The following FABP7 variants were observed in gnomAD, a reference collection of about 807,000 sequenced individuals.
FABP7 encodes fatty acid binding protein 7, also known as fatty acid-binding protein, brain.
Under a neutral mutation model 14.2 loss-of-function variants are expected in FABP7, and 13 were observed. The observed-to-expected ratio is 0.91, with a 90% CI of 0.59 to 1.45. The LOEUF (loss-of-function observed/expected upper bound fraction) is 1.45. Among genes scored for constraint, FABP7 ranks in the 40% most tolerant of loss-of-function variants. FABP7 has a pLI of 0.00. For missense variants in FABP7, 149 were observed against 157.6 expected, an observed-to-expected ratio of 0.95 and a Z score of 0.29; for synonymous variants, 49 against 51.4, an observed-to-expected ratio of 0.95 and a Z score of 0.20.
chr6:122,765,349 G>A, the FABP7 span, among the ~76,000 whole-genome samples: 401 of 152,090 alleles, frequency 2.6e-3, no homozygotes, highest in Non-Finnish European at 4.9e-3. Context: ...AGCTGGCATG[G>A]CATTTTGACC....
At chr6:122,760,301 C>T in the FABP7 span, among the ~76,000 whole-genome samples, 1 of 152,018 alleles carries the variant, frequency 6.6e-6, no homozygotes, top group African/African-American at 2.4e-5. Context: ...TAAAATGTTC[C>T]TCTTTGTCCC....
At chr6:122,765,557 A>G in the FABP7 span, among the ~76,000 whole-genome samples, 1 of 151,956 alleles carries the variant, frequency 6.6e-6, no homozygotes, top group Non-Finnish European at 1.5e-5. Flanking sequence ...GTCTTGTCTA[A>G]TATTTTTATT....
At chr6:122,771,945 G>A in the FABP7 span, among the ~76,000 whole-genome samples, 1 of 152,206 alleles carries the variant, frequency 6.6e-6, no homozygotes, top group Non-Finnish European at 1.5e-5. Flanking sequence ...TATGCTAGAC[G>A]ATGGTCGTAG....
chr6:122,753,979 G>C, the FABP7 span, among the ~76,000 whole-genome samples: 5 of 152,102 alleles, frequency 3.3e-5, no homozygotes, highest in African/African-American at 1.2e-4. Flanking sequence ...CTGCCACGCA[G>C]AAAAGGTCAA....
chr6:122,777,108 G>A (rs1028756652), upstream of FABP7, among the ~76,000 whole-genome samples: 2 of 152,172 alleles, frequency 1.3e-5, no homozygotes, highest in African/African-American at 4.8e-5. Context: ...CTAAGATGAA[G>A]ATATCTAATA....
At chr6:122,753,625 C>A in the FABP7 span, among the ~76,000 whole-genome samples, 1 of 151,948 alleles carries the variant, frequency 6.6e-6, no homozygotes, top group Non-Finnish European at 1.5e-5. Flanking sequence ...GCATTTTGAA[C>A]AAAGAATTGG....
chr6:122,759,769 T>C, the FABP7 span, among the ~76,000 whole-genome samples: 2 of 152,206 alleles, frequency 1.3e-5, no homozygotes, highest in South Asian at 2.1e-4. Context: ...AATACTACTC[T>C]AGCCCACTTA....
chr6:122,777,762 T>C (rs1234191990), upstream of FABP7, among the ~76,000 whole-genome samples: 1 of 151,888 alleles, frequency 6.6e-6, no homozygotes, highest in African/African-American at 2.4e-5. Flanking sequence ...TGTGGGAGGA[T>C]CACTTGAGTC....
In FABP7 at chr6:122,779,845, T is replaced by G; in HGVS notation, c.51T>G (p.Phe17Leu). 1.2e-6 allele frequency: 2 copies of G among 1,614,112 alleles called. No individual in the cohort carries two copies. Among genetic ancestry groups the G allele is most frequent in the African/African-American group, 1.3e-5 (1 of 75,048 alleles). ...ATWKLTNSQN[F>L]DEYMKALGVG... ...GGAAGCTGACCAACAGTCAGAACTT[T>G]GATGAGTACATGAAGGCTCTAGGTA... Residue 17 changes from phenylalanine to leucine, a missense_variant, in exon 1 of 4, where the codon TTT (phenylalanine) becomes TTG (leucine). Transcript: ENST00000368444.
chr6:122,775,894 T>C (rs774232846), upstream of FABP7, among the ~76,000 whole-genome samples: 39 of 151,902 alleles, frequency 2.6e-4, no homozygotes, highest in Middle Eastern at 3.2e-3. Flanking sequence ...AAGATCTGAA[T>C]AGACATTTCT....
At chr6:122,783,672 G>C (rs1434526706) in intron 3 of FABP7, 45 bp from the exon 4 acceptor site, 7 of 1,552,206 alleles carry the variant, frequency 4.5e-6, no homozygotes, top group African/African-American at 1.4e-5. Context: ...TTCGGTGACT[G>C]AAGTTCCTGT....
rs766654898 is a variant in FABP7, at chr6:122,780,450, A to T, written c.233A>T (p.Asp78Val). The change falls in exon 2 of 4, where the codon GAT becomes GTT. Residue 78 changes from aspartate (D) to valine (V), a missense_variant. Physicochemically the swap from Asp to Val is radical, Grantham distance 152. Transcript: ENST00000368444. ...GEEFDETTADDRNCKSVVSLD... is the reference protein window; with the variant it reads ...GEEFDETTADVRNCKSVVSLD... ...GAGTTTGATGAAACCACTGCAGATGATAGAAACTGTAAGGTGAGAAACTGC... is the reference window on the plus strand; with the variant it reads ...GAGTTTGATGAAACCACTGCAGATGTTAGAAACTGTAAGGTGAGAAACTGC... 13 of 1,612,188 alleles carry T rather than the reference A, an allele frequency of 8.1e-6. No individual in the cohort carries two copies. The highest frequency in any genetic ancestry group is 9.3e-6 in the Non-Finnish European group (11 of 1,179,554).
At chr6:122,759,615 G>A in the FABP7 span, among the ~76,000 whole-genome samples, 1 of 152,094 alleles carries the variant, frequency 6.6e-6, no homozygotes, top group Non-Finnish European at 1.5e-5. Context: ...CTGTTTAACT[G>A]TGACAATAAT....
At chr6:122,751,803 C>T in the FABP7 span, among the ~76,000 whole-genome samples, 1 of 152,086 alleles carries the variant, frequency 6.6e-6, no homozygotes, top group Non-Finnish European at 1.5e-5. Context: ...GAAGGGAAGC[C>T]GGCAAAGGAA....
chr6:122,771,130 A>C, the FABP7 span, among the ~76,000 whole-genome samples: 56,610 of 152,048 alleles, frequency 0.37, 11,289 homozygotes, highest in Non-Finnish European at 0.46. Flanking sequence ...GATATTTGGG[A>C]GCCAGCAGGT....
chr6:122,776,320 A>C (rs1780672341), upstream of FABP7, among the ~76,000 whole-genome samples: 1 of 152,330 alleles, frequency 6.6e-6, no homozygotes, highest in African/African-American at 2.4e-5. Flanking sequence ...GTATGTATAC[A>C]TAATGAAATA....
the FABP7 span, among the ~76,000 whole-genome samples, chr6:122,755,020 T>C: frequency 6.7e-6 from 1 of 148,770 alleles, no homozygotes; most frequent in Non-Finnish European, 1.5e-5. Flanking sequence ...TTTTTTTTTT[T>C]CCAGTTCACT....
upstream of FABP7, among the ~76,000 whole-genome samples, chr6:122,776,291 A>C (rs1166698092): frequency 6.6e-6 from 1 of 152,210 alleles, no homozygotes; most frequent in Non-Finnish European, 1.5e-5. Flanking sequence ...TCAATGGATG[A>C]ATGGATAAAG....
the FABP7 span, among the ~76,000 whole-genome samples, chr6:122,761,800 ATAATT>A: frequency 6.6e-6 from 1 of 152,184 alleles, no homozygotes; most frequent in African/African-American, 2.4e-5. Flanking sequence ...TCATAAAATA[ATAATT>A]TAATCCTTTC....
Sources: allele counts gnomAD v4.1 joint callset (sites outside exome capture counted in the v4.1 genomes callset), GRCh38; gene constraint gnomAD v4.1.1; transcripts MANE v1.5; gene names NCBI Gene and HGNC (gene_info 2026-07-23, HGNC 2026-07-21).